Variants in NMT2 observed in about 807,000 individuals in gnomAD.
NMT2 encodes glycylpeptide N-tetradecanoyltransferase 2.
In NMT2, 35 loss-of-function variants were observed where a neutral mutation model predicts 65.4. The observed-to-expected ratio is 0.54, with a 90% CI of 0.41 to 0.71. NMT2 has a LOEUF of 0.71. Ranked by LOEUF, NMT2 falls within the 30% of genes least tolerant of loss-of-function variation. NMT2 has a pLI of 0.00. For synonymous variants in NMT2, 226 were observed against 231.8 expected (o/e 0.98, Z 0.23); for missense variants, 489 against 611.3 (o/e 0.80, Z 2.11).
intron 1 of NMT2, among the ~76,000 whole-genome samples, chr10:15,142,075 T>C (rs1188052437): frequency 6.6e-6 from 1 of 152,210 alleles, no homozygotes; most frequent in Non-Finnish European, 1.5e-5. Context: ...AGAGAGACCC[T>C]GTCACAAACA....
At chr10:15,143,084 T>C (rs374646665) in intron 1 of NMT2, among the ~76,000 whole-genome samples, 26 of 152,306 alleles carry the variant, frequency 1.7e-4, no homozygotes, top group African/African-American at 5.8e-4. Flanking sequence ...ATACAAATGC[T>C]TGTGGAATGA....
At position 15,128,422 on chromosome 10, in the gene NMT2, T is replaced by C; in HGVS notation, c.927A>G (p.Val309=). 6.2e-7 allele frequency: 1 copy of C among 1,610,956 alleles called. No individual in the cohort carries two copies. The highest frequency in any genetic ancestry group is 8.5e-7 in the Non-Finnish European group (1 of 1,177,158). The change falls in exon 8 of 12, where the codon GTA becomes GTG. Residue 309 remains valine (V), a synonymous_variant. Transcript: ENST00000378165. ...WHRSLNPRKL[V]EVKFSHLSRN... is the part of the protein sequence containing the mutation. ...TACTCAAGTGAGAAAATTTCACTTC[T>C]ACCAATTTTCTGGGGTTTAGTGATC...
In NMT2 at chr10:15,168,528, C is replaced by G; in HGVS notation, c.85G>C (p.Glu29Gln). The G allele has an allele frequency of 6.3e-7, 1 of 1,589,820 alleles. No individual in the cohort carries two copies. Among genetic ancestry groups the G allele is most frequent in the Non-Finnish European group, 8.5e-7 (1 of 1,170,600 alleles). Residue 29 changes from glutamate to glutamine, a missense_variant, in exon 1 of 12, where the codon GAG becomes CAG. By Grantham distance (29) the Glu-to-Gln change is conservative. Transcript: ENST00000378165. ...QDTCGIDGDNEEETEHAKGSP... is the reference protein window; with the variant it reads ...QDTCGIDGDNQEETEHAKGSP... ...CCTTTGGCGTGCTCCGTCTCCTCCT[C>G]ATTGTCCCCGTCTATCCCGCACGTG...
intron 1 of NMT2, among the ~76,000 whole-genome samples, chr10:15,142,002 T>C (rs887165328): frequency 3.3e-5 from 5 of 152,186 alleles, no homozygotes; most frequent in African/African-American, 1.2e-4. Flanking sequence ...GGAGGAAATG[T>C]TCCCTGATAA....
At chr10:15,127,471 C>T (rs1219551967) in intron 8 of NMT2, among the ~76,000 whole-genome samples, 1 of 135,332 alleles carries the variant, frequency 7.4e-6, no homozygotes, top group Admixed American at 8.5e-5. Flanking sequence ...GGCGTGAACC[C>T]AGGAGGTGGA....
At chr10:15,119,978 G>T (rs1024779428) in intron 8 of NMT2, among the ~76,000 whole-genome samples, 3 of 152,192 alleles carry the variant, frequency 2.0e-5, no homozygotes, top group Middle Eastern at 3.2e-3. Flanking sequence ...TCCACTGGTT[G>T]TGCATCTGTG....
chr10:15,128,535 G>T, intron 7 of NMT2, 77 bp from the exon 8 acceptor site: 1 of 894,948 alleles, frequency 1.1e-6, no homozygotes, highest in South Asian at 1.4e-5. Flanking sequence ...CAGCTTGGCT[G>T]TTACATAAGC....
intron 1 of NMT2, among the ~76,000 whole-genome samples, chr10:15,160,220 G>A (rs956900461): frequency 7.2e-5 from 11 of 152,154 alleles, no homozygotes; most frequent in African/African-American, 1.4e-4. Flanking sequence ...AGCCACAAAC[G>A]CTTCAGCAAA....
intron 1 of NMT2, among the ~76,000 whole-genome samples, chr10:15,144,575 C>CA (rs375580114): frequency 7.1e-4 from 108 of 152,172 alleles, no homozygotes; most frequent in African/African-American, 2.5e-3. Flanking sequence ...ACTAAAAATA[C>CA]AAAAAATTTG....
chr10:15,154,135 C>T (rs931617647), intron 1 of NMT2, among the ~76,000 whole-genome samples: 2 of 152,210 alleles, frequency 1.3e-5, no homozygotes, highest in East Asian at 3.8e-4. Context: ...CTCCCCTGCC[C>T]CCAGGATGCT....
intron 7 of NMT2, 30 bp from the exon 8 acceptor site, chr10:15,128,488 A>G (rs765965504): frequency 1.5e-4 from 198 of 1,324,414 alleles, no homozygotes; most frequent in Non-Finnish European, 2.1e-4. Context: ...TTAAAATCAA[A>G]TTGATTTCTA....
At chr10:15,156,217 G>A (rs553585329) in intron 1 of NMT2, among the ~76,000 whole-genome samples, 1 of 152,156 alleles carries the variant, frequency 6.6e-6, no homozygotes, top group African/African-American at 2.4e-5. Flanking sequence ...TGAATCATGG[G>A]GGCGGTTACC....
At chr10:15,166,487 T>G (rs1833381179) in intron 1 of NMT2, among the ~76,000 whole-genome samples, 2 of 152,354 alleles carry the variant, frequency 1.3e-5, no homozygotes, top group South Asian at 2.1e-4. Flanking sequence ...CATCAGTACA[T>G]GAGCCAAATA....
chr10:15,123,851 A>G (rs1276281255), intron 8 of NMT2, among the ~76,000 whole-genome samples: 2 of 152,226 alleles, frequency 1.3e-5, no homozygotes, highest in African/African-American at 4.8e-5. Flanking sequence ...AAATCTGCTT[A>G]TAAGTACATA....
Position 15,168,490 on chromosome 10 carries a change from G to A in NMT2, c.110+13C>T, listed in dbSNP as rs1833454285. 3.8e-6 allele frequency: 6 copies of A among 1,568,434 alleles called. No homozygotes were observed. The East Asian group carries it at 1.5e-4, about 38-fold the overall frequency. On this transcript the variant is annotated intron_variant, in intron 1 of 11. Transcript: ENST00000378165. ...GCCCTGTCGCGCCCGGTGCGCCAGC[G>A]CGCCGCCCCTACCCTTTGGCGTGCT... is the stretch of plus-strand genomic sequence containing the variant.
At chr10:15,128,516 T>C in intron 7 of NMT2, 58 bp from the exon 8 acceptor site, 1 of 1,090,716 alleles carries the variant, frequency 9.2e-7, no homozygotes, top group Non-Finnish European at 1.4e-6. Context: ...AAGTTTTCAC[T>C]CTTTGTCTCA....
chr10:15,127,583 T>TAA (rs1564568508), intron 8 of NMT2, among the ~76,000 whole-genome samples: 96 of 63,006 alleles, frequency 1.5e-3, no homozygotes, highest in Non-Finnish European at 2.2e-3. Flanking sequence ...AATAAATAAA[T>TAA]AAATAAATAA....
At chr10:15,139,443 G>A (rs1400902544) in intron 2 of NMT2, among the ~76,000 whole-genome samples, 3 of 152,176 alleles carry the variant, frequency 2.0e-5, no homozygotes, top group Non-Finnish European at 4.4e-5. Context: ...GTCACTAGAG[G>A]TGGAAGGGAT....
intron 1 of NMT2, among the ~76,000 whole-genome samples, chr10:15,141,790 C>A (rs1030155021): frequency 6.6e-6 from 1 of 152,198 alleles, no homozygotes; most frequent in Non-Finnish European, 1.5e-5. Flanking sequence ...AGTCACGAAG[C>A]AGGAAGATTG....
Sources: allele counts gnomAD v4.1 joint callset (sites outside exome capture counted in the v4.1 genomes callset), GRCh38; gene constraint gnomAD v4.1.1; transcripts MANE v1.5; gene names NCBI Gene and HGNC (gene_info 2026-07-23, HGNC 2026-07-21).